ANO3: variants seen among roughly 807,000 people sequenced by gnomAD.
ANO3 encodes anoctamin-3.
Under a neutral mutation model 144.8 loss-of-function variants are expected in ANO3, and 99 were observed. The ratio of observed to expected loss-of-function variants is 0.68; its 90% CI spans 0.58 to 0.81. The LOEUF (loss-of-function observed/expected upper bound fraction) is 0.81. ANO3 is among the 30% of genes least tolerant of loss of function. The pLI is 0.00. For missense variants in ANO3, 905 were observed against 1,202.2 expected (o/e 0.75, Z 3.66); for synonymous variants, 414 against 392.6 (o/e 1.05, Z -0.64).
intron 1 of ANO3, among the ~76,000 whole-genome samples, chr11:26,217,765 TAAACATTTTAAATTTA>T (rs976703808): frequency 6.6e-6 from 1 of 152,026 alleles, no homozygotes; most frequent in Non-Finnish European, 1.5e-5. Context: ...TTTTAAAATT[TAAACATTTTAAATTTA>T]AACATGTTAA....
intron 1 of ANO3, among the ~76,000 whole-genome samples, chr11:26,324,676 C>T (rs561231033): frequency 1.3e-5 from 2 of 152,260 alleles, no homozygotes; most frequent in South Asian, 4.2e-4. Flanking sequence ...GGGATTGGCT[C>T]ACGTGGGGGC....
At chr11:26,289,849 C>T (rs563021359) in intron 1 of ANO3, among the ~76,000 whole-genome samples, 7 of 150,820 alleles carry the variant, frequency 4.6e-5, no homozygotes, top group South Asian at 2.1e-4. Flanking sequence ...ATTTTTGCAT[C>T]GATGTTCATC....
intron 4 of ANO3, among the ~76,000 whole-genome samples, chr11:26,475,822 G>T (rs952825230): frequency 6.6e-6 from 1 of 151,918 alleles, no homozygotes; most frequent in Non-Finnish European, 1.5e-5. Flanking sequence ...GATATTTAAG[G>T]TTCAAATCTC....
At chr11:26,208,356 C>T (rs1564917119) in intron 1 of ANO3, 1 of 151,570 alleles carries the variant, frequency 6.6e-6, no homozygotes, top group African/African-American at 2.4e-5. Flanking sequence ...CCAAAAAATA[C>T]AAAAAAAATA....
chr11:26,591,766 T>G (rs1033660393), intron 14 of ANO3, among the ~76,000 whole-genome samples: 4 of 152,138 alleles, frequency 2.6e-5, no homozygotes, highest in African/African-American at 9.7e-5. Context: ...TTCCTCATGG[T>G]TGTCGCTTGA....
chr11:26,587,264 T>C (rs1851312306), intron 14 of ANO3, among the ~76,000 whole-genome samples: 1 of 151,828 alleles, frequency 6.6e-6, no homozygotes, highest in African/African-American at 2.4e-5. Context: ...ATGATTGAAA[T>C]TTGGGTGTGT....
At chr11:26,333,841 A>T (rs533125400) in intron 1 of ANO3, among the ~76,000 whole-genome samples, 11 of 152,330 alleles carry the variant, frequency 7.2e-5, no homozygotes, top group African/African-American at 2.6e-4. Context: ...ATAAAGTTAA[A>T]CTGCTTCAAG....
At chr11:26,405,636 T>C (rs948472400) in intron 1 of ANO3, among the ~76,000 whole-genome samples, 2 of 151,926 alleles carry the variant, frequency 1.3e-5, no homozygotes, top group African/African-American at 4.8e-5. Flanking sequence ...CCAGAACTTA[T>C]AAAACAAGAC....
chr11:26,379,053 T>C (rs1856503500), intron 1 of ANO3, among the ~76,000 whole-genome samples: 1 of 148,174 alleles, frequency 6.7e-6, no homozygotes, highest in Non-Finnish European at 1.5e-5. Context: ...AGTAGGAGAC[T>C]TTAGAATGTC....
At chr11:26,450,101 T>C (rs923508172) in intron 3 of ANO3, among the ~76,000 whole-genome samples, 4 of 152,156 alleles carry the variant, frequency 2.6e-5, no homozygotes, top group Non-Finnish European at 5.9e-5. Context: ...TCCTCCCTAA[T>C]ACATAGTTGT....
chr11:26,195,103 A>G (rs1221945101), intron 1 of ANO3, among the ~76,000 whole-genome samples: 1 of 152,212 alleles, frequency 6.6e-6, no homozygotes, highest in Non-Finnish European at 1.5e-5. Context: ...AAAAGAATGT[A>G]TGTGAGGCAA....
chr11:26,388,661 A>G (rs1006757785), intron 1 of ANO3, among the ~76,000 whole-genome samples: 1 of 152,176 alleles, frequency 6.6e-6, no homozygotes, highest in African/African-American at 2.4e-5. Flanking sequence ...AAGTAAATGA[A>G]TTGTTTAAAA....
At chr11:26,286,602 C>A (rs1306193452) in intron 1 of ANO3, among the ~76,000 whole-genome samples, 2 of 152,156 alleles carry the variant, frequency 1.3e-5, no homozygotes, top group Non-Finnish European at 2.9e-5. Context: ...TGTTAAAATA[C>A]AAGTTAAGAT....
At chr11:26,585,236 T>C (rs1204169728) in intron 14 of ANO3, among the ~76,000 whole-genome samples, 1 of 152,120 alleles carries the variant, frequency 6.6e-6, no homozygotes, top group Non-Finnish European at 1.5e-5. Flanking sequence ...CCTAATCCAC[T>C]TCCCACAAAC....
chr11:26,206,785 G>A (rs960780123), intron 1 of ANO3, among the ~76,000 whole-genome samples: 2 of 152,128 alleles, frequency 1.3e-5, no homozygotes, highest in African/African-American at 4.8e-5. Context: ...GAACATTCCA[G>A]CAAGGAGCAT....
At chr11:26,292,238 G>A (rs1564951906) in intron 1 of ANO3, among the ~76,000 whole-genome samples, 1 of 152,034 alleles carries the variant, frequency 6.6e-6, no homozygotes, top group Non-Finnish European at 1.5e-5. Flanking sequence ...CATAGTTCTC[G>A]TGACATGGTT....
At chr11:26,517,801 C>G (rs1008539957) in intron 6 of ANO3, among the ~76,000 whole-genome samples, 1 of 152,060 alleles carries the variant, frequency 6.6e-6, no homozygotes, top group Non-Finnish European at 1.5e-5. Context: ...AATATTGTGA[C>G]AAGCCTCTAC....
At chr11:26,554,446 GGA>G (rs2134232844) in intron 13 of ANO3, among the ~76,000 whole-genome samples, 1 of 152,178 alleles carries the variant, frequency 6.6e-6, no homozygotes, top group East Asian at 1.9e-4. Flanking sequence ...TAATTACCTA[GGA>G]GTAGACTGGT....
chr11:26,591,001 C>T (rs751287765), intron 14 of ANO3, among the ~76,000 whole-genome samples: 15 of 152,184 alleles, frequency 9.9e-5, no homozygotes, highest in South Asian at 6.2e-4. Flanking sequence ...CCCTCCCCCA[C>T]GCTCTCAGGC....
Sources: gnomAD v4.1 joint callset for allele counts (sites outside exome capture counted in the v4.1 genomes callset) on GRCh38, gnomAD v4.1.1 for gene constraint, MANE v1.5 for transcripts, NCBI Gene and HGNC (gene_info 2026-07-23, HGNC 2026-07-21) for gene names.